ADCY5: variants seen among roughly 807,000 people sequenced by gnomAD.
ADCY5 encodes adenylate cyclase 5, also known as adenylate cyclase type 5.
A neutral mutation model predicts 119.7 loss-of-function variants in ADCY5; 30 were observed. The observed-to-expected ratio is 0.25, with a 90% CI of 0.19 to 0.34. The LOEUF is 0.34. Among genes scored for constraint, ADCY5 ranks in the 10% least tolerant of loss-of-function variants. The pLI is 1.00. For missense variants in ADCY5, 1,324 were observed against 1,775.2 expected (o/e 0.75, Z 4.57); for synonymous variants, 753 against 762.2 (o/e 0.99, Z 0.20).
chr3:123,412,551 G>A (rs1945079371), intron 1 of ADCY5, among the ~76,000 whole-genome samples: 1 of 152,162 alleles, frequency 6.6e-6, no homozygotes, highest in South Asian at 2.1e-4. Context: ...TGTTGCGGTG[G>A]CAGATAGAGC....
At chr3:123,382,277 T>C (rs1054978171) in intron 1 of ADCY5, among the ~76,000 whole-genome samples, 5 of 152,180 alleles carry the variant, frequency 3.3e-5, no homozygotes, top group Non-Finnish European at 7.3e-5. Context: ...GTATGAAGTG[T>C]TGGTGAGAAT....
chr3:123,345,467 T>A (rs754441484), intron 3 of ADCY5, among the ~76,000 whole-genome samples: 2 of 152,150 alleles, frequency 1.3e-5, no homozygotes, highest in Non-Finnish European at 2.9e-5. Flanking sequence ...CCTTTGTCCA[T>A]GCGGTGCCAG....
intron 1 of ADCY5, among the ~76,000 whole-genome samples, chr3:123,390,416 C>T (rs75241886): frequency 0.013 from 1,928 of 152,294 alleles, 44 homozygotes; most frequent in African/African-American, 0.044. Context: ...CCATGGAGGG[C>T]CACCTCCTCA....
At chr3:123,333,370 G>A (rs1352439058) in intron 3 of ADCY5, among the ~76,000 whole-genome samples, 2 of 152,240 alleles carry the variant, frequency 1.3e-5, no homozygotes, top group East Asian at 1.9e-4. Context: ...AGAGCAGCCT[G>A]AACAGACCAA....
At chr3:123,371,161 G>A (rs1385289904) in intron 1 of ADCY5, among the ~76,000 whole-genome samples, 1 of 152,218 alleles carries the variant, frequency 6.6e-6, no homozygotes, top group Non-Finnish European at 1.5e-5. Context: ...GAAGCATGCT[G>A]TGGGGAAAAC....
intron 14 of ADCY5, 143 bp from the exon 15 acceptor site, chr3:123,300,438 G>A (rs375823398): frequency 4.1e-6 from 4 of 971,578 alleles, no homozygotes; most frequent in East Asian, 2.6e-5. Flanking sequence ...CAACAGGTGT[G>A]ATATAAAGTG....
chr3:123,317,204 T>C (rs1348843079), intron 11 of ADCY5, among the ~76,000 whole-genome samples: 1 of 152,196 alleles, frequency 6.6e-6, no homozygotes, highest in Non-Finnish European at 1.5e-5. Flanking sequence ...ATAGAAGCCA[T>C]AGGCTTTGTC....
At chr3:123,441,980 GAAAA>G (rs11382207) in intron 1 of ADCY5, among the ~76,000 whole-genome samples, 1 of 139,184 alleles carries the variant, frequency 7.2e-6, no homozygotes, top group Non-Finnish European at 1.5e-5. Flanking sequence ...CTTAAGGAAG[GAAAA>G]AAAAAAAAAA....
chr3:123,323,151 C>T (rs938438013), intron 8 of ADCY5, among the ~76,000 whole-genome samples: 2 of 152,230 alleles, frequency 1.3e-5, no homozygotes, highest in African/African-American at 4.8e-5. Flanking sequence ...CCAGGCCCAG[C>T]CAGGACAGGA....
At chr3:123,335,579 G>C (rs1941980377) in intron 3 of ADCY5, among the ~76,000 whole-genome samples, 1 of 152,172 alleles carries the variant, frequency 6.6e-6, no homozygotes, top group South Asian at 2.1e-4. Flanking sequence ...AATGCGTAAA[G>C]GTATGATCCA....
intron 1 of ADCY5, among the ~76,000 whole-genome samples, chr3:123,368,397 A>C (rs1943524398): frequency 6.6e-6 from 1 of 152,176 alleles, no homozygotes; most frequent in Non-Finnish European, 1.5e-5. Context: ...GGAGTTTGAG[A>C]CCAGCCTGGC....
At chr3:123,302,246 G>C (rs1447432439) in intron 14 of ADCY5, among the ~76,000 whole-genome samples, 1 of 152,224 alleles carries the variant, frequency 6.6e-6, no homozygotes, top group Non-Finnish European at 1.5e-5. Context: ...CCTGGCAAAC[G>C]CAGTACCATG....
chr3:123,345,943 G>C (rs182784348), intron 3 of ADCY5, among the ~76,000 whole-genome samples: 1 of 152,316 alleles, frequency 6.6e-6, no homozygotes. Flanking sequence ...GTAAAAACTA[G>C]TACCAGAAAG....
intron 12 of ADCY5, among the ~76,000 whole-genome samples, chr3:123,312,407 T>C (rs1416017782): frequency 6.6e-6 from 1 of 152,248 alleles, no homozygotes; most frequent in East Asian, 1.9e-4. Context: ...TTATACAACA[T>C]AAAATCTGCC....
chr3:123,429,874 A>G (rs1210951031), intron 1 of ADCY5, among the ~76,000 whole-genome samples: 4 of 151,984 alleles, frequency 2.6e-5, no homozygotes, highest in African/African-American at 4.8e-5. Context: ...TCCAACCCCA[A>G]CTGTTCCTCC....
intron 1 of ADCY5, among the ~76,000 whole-genome samples, chr3:123,421,109 T>C (rs1945294961): frequency 6.6e-6 from 1 of 152,202 alleles, no homozygotes; most frequent in Non-Finnish European, 1.5e-5. Context: ...ATAGGTACTG[T>C]GGGTTGGGAT....
At chr3:123,300,354 C>T (rs1559787104) in intron 14 of ADCY5, 59 bp from the exon 15 acceptor site, 2 of 1,554,580 alleles carry the variant, frequency 1.3e-6, no homozygotes, top group Non-Finnish European at 1.8e-6. Flanking sequence ...CGGGCCCTGG[C>T]CCCATGCATC....
At chr3:123,384,190 G>A (rs6790286) in intron 1 of ADCY5, among the ~76,000 whole-genome samples, 72,111 of 152,008 alleles carry the variant, frequency 0.47, 17,872 homozygotes, top group East Asian at 0.68. Flanking sequence ...TAGGCCCCAA[G>A]AAAAGACCCT....
intron 1 of ADCY5, among the ~76,000 whole-genome samples, chr3:123,356,245 A>T (rs928159570): frequency 3.3e-5 from 5 of 152,204 alleles, no homozygotes; most frequent in African/African-American, 4.8e-5. Flanking sequence ...TTAGGCAATA[A>T]TTTCTTATAT....
Sources: gnomAD v4.1 joint callset for allele counts (sites outside exome capture counted in the v4.1 genomes callset) on GRCh38, gnomAD v4.1.1 for gene constraint, MANE v1.5 for transcripts, NCBI Gene and HGNC (gene_info 2026-07-23, HGNC 2026-07-21) for gene names.